The following PTPRJ variants were observed in gnomAD, a reference collection of about 807,000 sequenced individuals.
PTPRJ encodes protein tyrosine phosphatase receptor type J.
A neutral mutation model predicts 141.3 loss-of-function variants in PTPRJ; 129 were observed. The observed-to-expected ratio is 0.91, with a 90% confidence interval of 0.79 to 1.06. The LOEUF (loss-of-function observed/expected upper bound fraction) is 1.06. PTPRJ is among the 50% of genes least tolerant of loss of function. The probability of loss-of-function intolerance (pLI) is 0.00; values close to 1 mark genes in which losing one functional copy is unlikely to be tolerated. For missense variants in PTPRJ, 1,601 were observed against 1,679.7 expected (o/e 0.95, Z 0.82); for synonymous variants, 610 against 640.5 (o/e 0.95, Z 0.72).
At chr11:48,154,211 C>G (rs757105183) in intron 19 of PTPRJ, among the ~76,000 whole-genome samples, 11 of 152,232 alleles carry the variant, frequency 7.2e-5, no homozygotes, top group Non-Finnish European at 1.5e-4. Context: ...CTAGGTCTGT[C>G]TGTCTCAGTA....
At chr11:48,078,574 G>A (rs1855473248) in intron 1 of PTPRJ, among the ~76,000 whole-genome samples, 1 of 152,162 alleles carries the variant, frequency 6.6e-6, no homozygotes, top group Non-Finnish European at 1.5e-5. Context: ...GGCGGAGTGA[G>A]AGGCATCAGG....
intron 1 of PTPRJ, among the ~76,000 whole-genome samples, chr11:47,988,855 C>A (rs12793513): frequency 2.3e-5 from 3 of 129,342 alleles, no homozygotes; most frequent in African/African-American, 9.0e-5. Flanking sequence ...GTTTGCTAGT[C>A]TGAAAGGTGA....
rs1857093181 is a variant in PTPRJ at position 48,136,024 on chromosome 11, C to G, written c.1616-15C>G. ...TAGTAACAGTTTTCCCTTCTCCTTC[C>G]TTTCTTCTGAGCAGTTCCCAGTGCA... On this transcript the variant is annotated splice_polypyrimidine_tract_variant and intron_variant, in intron 8 of 24. Transcript: ENST00000418331. 1.2e-6 allele frequency: 2 copies of G among 1,606,984 alleles called. No individual in the cohort carries two copies. Among genetic ancestry groups the G allele is most frequent in the African/African-American group, 1.3e-5 (1 of 74,752 alleles).
At chr11:48,053,168 T>A (rs1169093770) in intron 1 of PTPRJ, among the ~76,000 whole-genome samples, 4 of 107,386 alleles carry the variant, frequency 3.7e-5, no homozygotes, top group African/African-American at 7.3e-5. Context: ...ATTATATATA[T>A]AAAAATATAT....
intron 8 of PTPRJ, chr11:48,132,156 T>C: frequency 1.0e-6 from 1 of 985,446 alleles, no homozygotes; most frequent in Non-Finnish European, 1.2e-6. Context: ...TGTGCTGTGT[T>C]GGGCAGGTGG....
rs576467450 is a variant in PTPRJ at position 48,144,733 on chromosome 11, C to T, written c.2634C>T (p.Ala878=). 1.2e-6 allele frequency: 2 copies of T among 1,614,126 alleles called. No individual in the cohort carries two copies. The highest frequency in any genetic ancestry group is 1.1e-5 in the South Asian group (1 of 91,076). The stretch of plus-strand genomic sequence containing the variant: ...CGTATGAGGATTTCAAAAAGGGAGC[C>T]TCAGATACTTATGTGACATACCTCA... ...KYTYEDFKKG[A]SDTYVTYLIR... is the part of the protein sequence containing the mutation. Residue 878 remains alanine (A), a synonymous_variant, in exon 13 of 25, where the codon GCC becomes GCT. Transcript: ENST00000418331.
At position 48,164,461 on chromosome 11, in the gene PTPRJ, G is replaced by A. The variant is rs947366796; in HGVS notation, c.3801G>A (p.Val1267=). 1.2e-6 allele frequency: 2 copies of A among 1,610,466 alleles called. No individual in the cohort carries two copies. The highest frequency in any genetic ancestry group is 1.1e-5 in the South Asian group (1 of 91,034). ...YQIENENTVD[V]YGIVYDLRMH... ...TAGAGAATGAGAACACCGTGGATGT[G>A]TATGGGATTGTGTATGACCTTCGAA... The change falls in exon 24 of 25, where the codon GTG becomes GTA. Residue 1267 remains valine, a synonymous_variant. Transcript: ENST00000418331.
chr11:48,167,332 A>G lies in PTPRJ; in HGVS notation c.3984A>G (p.Thr1328=), dbSNP rs1225120095. 6.2e-7 allele frequency: 1 copy of G among 1,614,192 alleles called. No individual in the cohort carries two copies. Among genetic ancestry groups the G allele is most frequent in the East Asian group, 2.2e-5 (1 of 44,890 alleles). Residue 1328 remains threonine (T), a synonymous_variant, in exon 25 of 25, where the codon ACA becomes ACG. Coordinates refer to ENST00000418331, the MANE Select transcript of PTPRJ (RefSeq NM_002843.4). ...TIYENLAPVT[T]FGKTNGYIA ...ATGAAAACCTTGCGCCCGTGACCAC[A>G]TTTGGAAAGACCAATGGTTACATCG...
chr11:48,079,282 G>A (rs1855497948), intron 1 of PTPRJ, among the ~76,000 whole-genome samples: 1 of 152,098 alleles, frequency 6.6e-6, no homozygotes, highest in Non-Finnish European at 1.5e-5. Context: ...GTTTAGAGGC[G>A]GATGCAGTAC....
intron 1 of PTPRJ, among the ~76,000 whole-genome samples, chr11:48,102,922 A>G (rs1462520461): frequency 6.6e-6 from 1 of 152,054 alleles, no homozygotes; most frequent in Non-Finnish European, 1.5e-5. Flanking sequence ...CCTGTGGAGG[A>G]GTCCAGGATT....
At chr11:48,036,652 G>A (rs983111698) in intron 1 of PTPRJ, among the ~76,000 whole-genome samples, 2 of 152,056 alleles carry the variant, frequency 1.3e-5, no homozygotes, top group African/African-American at 4.8e-5. Context: ...ATGTATATTG[G>A]CAATTAGCCT....
chr11:48,078,205 C>T (rs1296249728), intron 1 of PTPRJ, among the ~76,000 whole-genome samples: 2 of 151,964 alleles, frequency 1.3e-5, no homozygotes, highest in African/African-American at 4.8e-5. Flanking sequence ...ATGACAGGAG[C>T]CCACCACCAC....
At chr11:48,144,953 G>T in intron 13 of PTPRJ, 47 bp from the exon 14 acceptor site, 1 of 1,614,100 alleles carries the variant, frequency 6.2e-7, no homozygotes, top group African/African-American at 1.3e-5. Flanking sequence ...CATGCCTGCG[G>T]TCAGACACGT....
chr11:48,033,484 T>C (rs1298038515), intron 1 of PTPRJ, among the ~76,000 whole-genome samples: 2 of 152,154 alleles, frequency 1.3e-5, no homozygotes, highest in Admixed American at 6.5e-5. Flanking sequence ...AGGTGGTGCA[T>C]GTGTCCAGGC....
chr11:47,998,467 A>G (rs1854401584), intron 1 of PTPRJ, among the ~76,000 whole-genome samples: 1 of 152,234 alleles, frequency 6.6e-6, no homozygotes, highest in Non-Finnish European at 1.5e-5. Context: ...CGCCCATTTT[A>G]GAGATGAGGC....
intron 1 of PTPRJ, among the ~76,000 whole-genome samples, chr11:48,057,654 TG>T (rs1243076440): frequency 1.3e-5 from 2 of 151,870 alleles, no homozygotes; most frequent in Admixed American, 1.3e-4. Flanking sequence ...TCCTGAGCCC[TG>T]GGGGAGAACT....
Position 48,137,198 on chromosome 11 carries a change from G to C in PTPRJ, c.2069G>C (p.Gly690Ala). 1 of 1,613,692 alleles carries C rather than the reference G, an allele frequency of 6.2e-7. No individual in the cohort carries two copies. The highest frequency in any genetic ancestry group is 8.5e-7 in the Non-Finnish European group (1 of 1,179,596). ...GCTACAGTCACTGAATTAATACCTGGCTCATCATACACAGTGGAGATCTTT... is the reference window on the plus strand; with the variant it reads ...GCTACAGTCACTGAATTAATACCTGCCTCATCATACACAGTGGAGATCTTT... ...TDATVTELIPGSSYTVEIFAQ... is the reference protein window; with the variant it reads ...TDATVTELIPASSYTVEIFAQ... Residue 690 changes from glycine to alanine, a missense_variant, in exon 10 of 25, where the codon GGC (glycine) becomes GCC (alanine). Coordinates refer to ENST00000418331, the MANE Select transcript of PTPRJ (RefSeq NM_002843.4).
chr11:48,000,330 A>C (rs1854461347), intron 1 of PTPRJ, among the ~76,000 whole-genome samples: 1 of 149,678 alleles, frequency 6.7e-6, no homozygotes, highest in Non-Finnish European at 1.5e-5. Flanking sequence ...TTTTTTGTAG[A>C]GATGGGGGTC....
intron 15 of PTPRJ, among the ~76,000 whole-genome samples, chr11:48,147,399 A>T (rs948079960): frequency 2.0e-5 from 3 of 152,212 alleles, no homozygotes; most frequent in African/African-American, 7.2e-5. Flanking sequence ...TTGAATAAAT[A>T]AGGCACTTCT....
Sources: gnomAD v4.1 joint callset for allele counts (sites outside exome capture counted in the v4.1 genomes callset) on GRCh38, gnomAD v4.1.1 for gene constraint, MANE v1.5 for transcripts, NCBI Gene and HGNC (gene_info 2026-07-23, HGNC 2026-07-21) for gene names.